The following PCSK5 variants were observed in gnomAD, a reference collection of about 807,000 sequenced individuals.
PCSK5 encodes the protein proprotein convertase subtilisin/kexin type 5, also known as prohormone convertase 5.
Under a neutral mutation model 233.2 loss-of-function variants are expected in PCSK5, and 129 were observed. That is an observed-to-expected ratio of 0.55 (90% CI 0.48 to 0.64). The LOEUF (loss-of-function observed/expected upper bound fraction) is 0.64. Ranked by LOEUF, PCSK5 falls within the 30% of genes least tolerant of loss-of-function variation. PCSK5 has a pLI of 0.00. For missense variants in PCSK5, 2,076 were observed against 2,430.1 expected, an observed-to-expected ratio of 0.85 and a Z score of 3.06; for synonymous variants, 825 against 879.2, an observed-to-expected ratio of 0.94 and a Z score of 1.09.
intron 1 of PCSK5, among the ~76,000 whole-genome samples, chr9:75,900,057 G>A (rs1825961253): frequency 6.6e-6 from 1 of 152,160 alleles, no homozygotes; most frequent in Non-Finnish European, 1.5e-5. Context: ...GTAGAGAAAC[G>A]GAGTACAACA....
At chr9:76,188,730 CT>C in intron 18 of PCSK5, 55 bp downstream of exon 18, 1 of 1,333,544 alleles carries the variant, frequency 7.5e-7, no homozygotes, top group Non-Finnish European at 1.1e-6. Context: ...GCTTTTCTTT[CT>C]GGTTTGGGCC....
At chr9:76,243,330 G>A (rs1350210524) in intron 24 of PCSK5, among the ~76,000 whole-genome samples, 1 of 152,142 alleles carries the variant, frequency 6.6e-6, no homozygotes, top group African/African-American at 2.4e-5. Context: ...ATAAGGGATA[G>A]CAGGATCTGT....
Position 76,063,324 on chromosome 9 carries a change from T to C in PCSK5, c.633-4631T>C, listed in dbSNP as rs867609387. Among the ~76,000 whole-genome samples the C allele has an allele frequency of 9.5e-3, 1,166 of 122,454 alleles. 18 individuals carry two copies. The highest frequency in any genetic ancestry group is 0.041 in the African/African-American group (1,098 of 27,010). The allele number at this position is 122,454 out of a possible 152,430, so 80.3% of individuals were successfully genotyped here. Reference sequence around the variant, plus strand: ...TACTGGCTAATTTCTTTTTTCTTTTTTTTTTTTTTTTTTTTTTTTTTTTTA... The same window carrying C: ...TACTGGCTAATTTCTTTTTTCTTTTCTTTTTTTTTTTTTTTTTTTTTTTTA... On this transcript the variant is annotated intron_variant, in intron 5 of 37. Transcript: ENST00000674117.
At chr9:76,131,716 AG>A (rs765391977) in intron 9 of PCSK5, among the ~76,000 whole-genome samples, 74 of 152,102 alleles carry the variant, frequency 4.9e-4, no homozygotes, top group Admixed American at 3.3e-3. Context: ...AAGTTTCACT[AG>A]GGAAAATGTG....
intron 8 of PCSK5, among the ~76,000 whole-genome samples, chr9:76,098,942 T>C (rs1440931897): frequency 2.6e-5 from 4 of 152,144 alleles, no homozygotes; most frequent in Non-Finnish European, 5.9e-5. Flanking sequence ...GATAGACAAA[T>C]TGATCCATTC....
At chr9:76,241,115 T>C (rs2131330511) in intron 24 of PCSK5, among the ~76,000 whole-genome samples, 1 of 152,268 alleles carries the variant, frequency 6.6e-6, no homozygotes, top group Middle Eastern at 3.4e-3. Flanking sequence ...CAGAAGTTTG[T>C]GGGTAGAGGG....
chr9:75,982,189 T>C (rs1826306131), intron 2 of PCSK5, among the ~76,000 whole-genome samples: 1 of 152,240 alleles, frequency 6.6e-6, no homozygotes, highest in African/African-American at 2.4e-5. Context: ...TATTGTACTT[T>C]ACTCCATCAT....
At chr9:75,914,944 T>C (rs899414848) in intron 1 of PCSK5, among the ~76,000 whole-genome samples, 2 of 152,200 alleles carry the variant, frequency 1.3e-5, no homozygotes, top group African/African-American at 2.4e-5. Context: ...TAAGAAATGA[T>C]AAATATTCCA....
intron 5 of PCSK5, among the ~76,000 whole-genome samples, chr9:76,052,616 G>A (rs1447580364): frequency 2.0e-5 from 3 of 152,180 alleles, no homozygotes; most frequent in Non-Finnish European, 4.4e-5. Context: ...TTCAAGATGA[G>A]ATTTGGGTGG....
intron 2 of PCSK5, among the ~76,000 whole-genome samples, chr9:75,979,626 T>C (rs918238787): frequency 6.6e-6 from 1 of 152,230 alleles, no homozygotes; most frequent in Non-Finnish European, 1.5e-5. Flanking sequence ...ATGGATGAAC[T>C]GTAAACAAAA....
At chr9:76,356,062 T>C in intron 37 of PCSK5, among the ~76,000 whole-genome samples, 1 of 152,198 alleles carries the variant, frequency 6.6e-6, no homozygotes, top group Middle Eastern at 3.2e-3. Context: ...TTTCCTTCTT[T>C]CAGCTTTCCC....
intron 7 of PCSK5, among the ~76,000 whole-genome samples, chr9:76,074,456 A>G (rs933025710): frequency 1.3e-5 from 2 of 152,230 alleles, no homozygotes; most frequent in African/African-American, 4.8e-5. Flanking sequence ...TTTTTGGCTC[A>G]TAGCATTGCA....
intron 30 of PCSK5, among the ~76,000 whole-genome samples, chr9:76,313,659 C>T (rs1305658402): frequency 1.3e-5 from 2 of 152,030 alleles, no homozygotes; most frequent in African/African-American, 4.8e-5. Context: ...ATAGCAAGAC[C>T]CTGTCTCTGA....
At position 76,310,827 on chromosome 9, in the gene PCSK5, G is replaced by A. The variant is rs750515367; in HGVS notation, c.3860G>A (p.Gly1287Asp). 1 of 1,606,684 alleles carries A rather than the reference G, an allele frequency of 6.2e-7. No homozygotes were observed. Among genetic ancestry groups the A allele is most frequent in the South Asian group, 1.1e-5 (1 of 89,684 alleles). Residue 1287 changes from glycine (G) to aspartate (D), a missense_variant, in exon 30 of 38, where the codon GGC becomes GAC. This residue lies in a region of PCSK5 where 1,510 missense variants were observed against 1,538.1 expected (regional missense o/e 0.98). Transcript: ENST00000674117. Reference sequence around the variant, plus strand: ...GGCCACCCTCTCTTCCTCCATGAAGGCAGGTGCTACTCCAAGTGCCCGGAG... The same window carrying A: ...GGCCACCCTCTCTTCCTCCATGAAGACAGGTGCTACTCCAAGTGCCCGGAG... Reference protein sequence around the residue: ...QPGHPLFLHEGRCYSKCPEGS... With the variant: ...QPGHPLFLHEDRCYSKCPEGS...
chr9:76,031,331 G>T (rs898503091), intron 5 of PCSK5, among the ~76,000 whole-genome samples: 6 of 152,060 alleles, frequency 3.9e-5, no homozygotes, highest in African/African-American at 1.4e-4. Flanking sequence ...TATCTTTATG[G>T]TCTTTTGAGC....
chr9:76,091,330 A>AGG (rs1587614613), intron 7 of PCSK5, among the ~76,000 whole-genome samples: 1 of 151,886 alleles, frequency 6.6e-6, no homozygotes, highest in African/African-American at 2.4e-5. Context: ...AGAGAGAGAG[A>AGG]GAAAGCGAGC....
intron 3 of PCSK5, among the ~76,000 whole-genome samples, chr9:75,999,283 G>A (rs771125966): frequency 1.1e-4 from 17 of 151,944 alleles, no homozygotes; most frequent in Non-Finnish European, 2.4e-4. Flanking sequence ...ATTGTTCAAT[G>A]TGGAGTCGGT....
chr9:76,026,482 TATGTGA>T (rs1828430542), intron 4 of PCSK5, among the ~76,000 whole-genome samples: 1 of 152,170 alleles, frequency 6.6e-6, no homozygotes, highest in Non-Finnish European at 1.5e-5. Flanking sequence ...TTGCCAATGA[TATGTGA>T]ATGATTTTTG....
At chr9:75,955,266 T>C (rs541631995) in intron 2 of PCSK5, among the ~76,000 whole-genome samples, 65 of 152,226 alleles carry the variant, frequency 4.3e-4, no homozygotes, top group African/African-American at 1.4e-3. Flanking sequence ...TTTTTCTTCT[T>C]TCTGACAAAA....
Sources: allele counts gnomAD v4.1 joint callset (sites outside exome capture counted in the v4.1 genomes callset), GRCh38; gene constraint gnomAD v4.1.1; regional missense constraint gnomAD v4.1.1; transcripts MANE v1.5; gene names NCBI Gene and HGNC (gene_info 2026-07-23, HGNC 2026-07-21).